The following C10orf67 variants were observed in gnomAD, a reference collection of about 807,000 sequenced individuals.
The protein encoded by C10orf67 is chromosome 10 open reading frame 67, also known as uncharacterized protein C10orf67, mitochondrial.
A neutral mutation model predicts 35.6 loss-of-function variants in C10orf67; 60 were observed. The ratio of observed to expected loss-of-function variants is 1.68; its 90% CI spans 1.37 to 2.09. The LOEUF (loss-of-function observed/expected upper bound fraction) is 2.09, where lower values mean the gene tolerates loss of function less well. Ranked by LOEUF, C10orf67 falls within the 30% of genes most tolerant of loss-of-function variation. The pLI, the probability that C10orf67 is intolerant of heterozygous loss-of-function variation, is 0.00. For missense variants in C10orf67, 474 were observed against 330.2 expected (o/e 1.44, Z -3.38); for synonymous variants, 167 against 115.8 (o/e 1.44, Z -2.84).
chr10:23,257,140 G>C (rs555033622), intron 10 of C10orf67, among the ~76,000 whole-genome samples: 179 of 152,326 alleles, frequency 1.2e-3, no homozygotes, highest in Non-Finnish European at 1.9e-3. Flanking sequence ...CCAATACCAA[G>C]TGGAGGTGTC....
chr10:23,246,846 A>G (rs1156425815), intron 12 of C10orf67, among the ~76,000 whole-genome samples: 1 of 152,188 alleles, frequency 6.6e-6, no homozygotes, highest in Non-Finnish European at 1.5e-5. Flanking sequence ...TATGTTTGAG[A>G]CAGGGTCTCA....
intron 4 of C10orf67, among the ~76,000 whole-genome samples, chr10:23,308,032 A>G (rs1318992701): frequency 6.6e-6 from 1 of 152,170 alleles, no homozygotes; most frequent in Non-Finnish European, 1.5e-5. Flanking sequence ...TTATTCTACT[A>G]GGGCCCTTAA....
intron 4 of C10orf67, among the ~76,000 whole-genome samples, chr10:23,308,585 T>A (rs1564502392): frequency 6.6e-6 from 1 of 152,172 alleles, no homozygotes; most frequent in East Asian, 1.9e-4. Context: ...TCTGTGCCTT[T>A]GTACTTGGAG....
rs113614764 is a variant in C10orf67 at position 23,334,389 on chromosome 10, C to A, written c.207-1207G>T. Among the ~76,000 whole-genome samples, 296 of 152,342 alleles carry A rather than the reference C, an allele frequency of 1.9e-3. 1 individual carries two copies. The highest frequency in any genetic ancestry group is 7.0e-3 in the African/African-American group (289 of 41,572). On this transcript the variant is annotated intron_variant, in intron 1 of 15. Coordinates refer to ENST00000636213, the MANE Select transcript of C10orf67 (RefSeq NM_001371909.1). ...ACCACAACTGTTTCTAAAATGTCAG[C>A]TAAAATAAGAGAACCACAAAAGCCC...
intron 1 of C10orf67, among the ~76,000 whole-genome samples, chr10:23,342,217 G>GA (rs1845920190): frequency 1.1e-5 from 1 of 93,632 alleles, no homozygotes; most frequent in Non-Finnish European, 1.9e-5. Context: ...CTCCCCACTT[G>GA]CCACACACAC....
intron 7 of C10orf67, among the ~76,000 whole-genome samples, chr10:23,286,632 G>A (rs1211140009): frequency 6.8e-6 from 1 of 147,486 alleles, no homozygotes; most frequent in Non-Finnish European, 1.5e-5. Context: ...GAGGAAAGGA[G>A]GGAGGGAGGA....
intron 1 of C10orf67, among the ~76,000 whole-genome samples, chr10:23,342,794 C>T (rs554322677): frequency 4.6e-5 from 7 of 152,356 alleles, no homozygotes; most frequent in African/African-American, 1.7e-4. Context: ...GGAAGCCCAG[C>T]CCAGGAGCAT....
chr10:23,284,114 TAA>T (rs71395837), intron 7 of C10orf67, among the ~76,000 whole-genome samples: 22 of 137,512 alleles, frequency 1.6e-4, no homozygotes, highest in South Asian at 7.1e-4. Flanking sequence ...ATCCAGGGCT[TAA>T]AAAAAAAAAA....
intron 10 of C10orf67, among the ~76,000 whole-genome samples, chr10:23,259,058 T>G (rs1588624271): frequency 6.6e-6 from 1 of 152,232 alleles, no homozygotes; most frequent in African/African-American, 2.4e-5. Flanking sequence ...TAAAATCAAA[T>G]GTCAGTGAGA....
chr10:23,246,343 G>T (rs1842316230), intron 12 of C10orf67, among the ~76,000 whole-genome samples: 1 of 151,764 alleles, frequency 6.6e-6, no homozygotes, highest in African/African-American at 2.4e-5. Context: ...CATATCCCCT[G>T]ACCTAAAATA....
chr10:23,325,796 T>C (rs1252540964), intron 2 of C10orf67, among the ~76,000 whole-genome samples: 1 of 151,766 alleles, frequency 6.6e-6, no homozygotes, highest in Non-Finnish European at 1.5e-5. Context: ...TTATTATAAC[T>C]ATGCATGATG....
chr10:23,309,352 C>T (rs941474491), intron 4 of C10orf67, among the ~76,000 whole-genome samples: 1 of 152,000 alleles, frequency 6.6e-6, no homozygotes, highest in Non-Finnish European at 1.5e-5. Flanking sequence ...TACACATGAA[C>T]ATAAGGACGA....
intron 5 of C10orf67, among the ~76,000 whole-genome samples, chr10:23,297,297 C>T (rs895228363): frequency 6.8e-6 from 1 of 147,110 alleles, no homozygotes; most frequent in Non-Finnish European, 1.5e-5. Flanking sequence ...TCTAAGACTG[C>T]CACCTCTTTA....
intron 15 of C10orf67, among the ~76,000 whole-genome samples, chr10:23,210,399 A>T (rs1841275602): frequency 6.6e-6 from 1 of 152,158 alleles, no homozygotes; most frequent in Admixed American, 6.5e-5. Flanking sequence ...CAGGAGTCTA[A>T]ATGGAGTTAA....
chr10:23,320,918 C>G, intron 3 of C10orf67, 103 bp from the exon 4 acceptor site: 1 of 745,392 alleles, frequency 1.3e-6, no homozygotes, highest in Non-Finnish European at 2.2e-6. Flanking sequence ...TCTGAATCAT[C>G]ACAATCTATT....
chr10:23,257,358 G>T (rs906623816), intron 10 of C10orf67, among the ~76,000 whole-genome samples: 1 of 152,180 alleles, frequency 6.6e-6, no homozygotes, highest in Non-Finnish European at 1.5e-5. Context: ...CAATAGCAGT[G>T]CACTACTGAG....
At chr10:23,314,758 C>A (rs1345120477) in intron 4 of C10orf67, among the ~76,000 whole-genome samples, 1 of 152,138 alleles carries the variant, frequency 6.6e-6, no homozygotes, top group African/African-American at 2.4e-5. Context: ...ATACTCAATT[C>A]TTTGCCACGT....
intron 4 of C10orf67, among the ~76,000 whole-genome samples, chr10:23,306,485 C>T (rs893246838): frequency 6.8e-6 from 1 of 147,222 alleles, no homozygotes; most frequent in Non-Finnish European, 1.5e-5. Flanking sequence ...GATAGCACCA[C>T]TGCACTCCAG....
chr10:23,291,218 T>C lies in C10orf67; in HGVS notation c.764A>G (p.Tyr255Cys), dbSNP rs1327618173. 2.8e-6 allele frequency: 2 copies of C among 717,136 alleles called. No homozygotes were observed. Among genetic ancestry groups the C allele is most frequent in the Admixed American group, 4.0e-5 (2 of 50,002 alleles). The allele number at this position is 717,136 out of a possible 1,614,324, so 44.4% of individuals were successfully genotyped here. A position where few individuals can be genotyped will look rare whatever the true frequency, so the allele number is the denominator to read the frequency against. The change falls in exon 6 of 16, where the codon TAC becomes TGC. Residue 255 changes from tyrosine to cysteine, a missense_variant. By Grantham distance (194) the Tyr-to-Cys change is radical. Transcript: ENST00000636213. ...KSNLEKENLE[Y>C]KVENERLLQI... ...AAGCAGCCTCTCATTTTCCACTTTG[T>C]ACTCCAAATTTTCCTTTTCTAGGTT...
Sources: allele counts gnomAD v4.1 joint callset (sites outside exome capture counted in the v4.1 genomes callset), GRCh38; gene constraint gnomAD v4.1.1; transcripts MANE v1.5; gene names NCBI Gene and HGNC (gene_info 2026-07-23, HGNC 2026-07-21).